ZBTB40: variants seen among roughly 807,000 people sequenced by gnomAD.
The protein encoded by ZBTB40 is zinc finger and BTB domain containing 40.
In ZBTB40, 60 loss-of-function variants were observed where a neutral mutation model predicts 117.5. The ratio of observed to expected loss-of-function variants is 0.51; its 90% CI spans 0.41 to 0.63. The LOEUF (loss-of-function observed/expected upper bound fraction) is 0.63. Ranked by LOEUF, ZBTB40 falls within the 30% of genes least tolerant of loss-of-function variation. ZBTB40 has a pLI of 0.00. For missense variants in ZBTB40, 1,287 were observed against 1,498.5 expected, an observed-to-expected ratio of 0.86 and a Z score of 2.33; for synonymous variants, 525 against 577.1, an observed-to-expected ratio of 0.91 and a Z score of 1.29.
chr1:22,527,456 C>G lies in ZBTB40; in HGVS notation c.*1060C>G, dbSNP rs1639712029. 6.6e-6 allele frequency: 1 copy of G among 152,392 alleles called. No individual in the cohort carries two copies. The highest frequency in any genetic ancestry group is 1.5e-5 in the Non-Finnish European group (1 of 68,040). The allele number at this position is 152,392 out of a possible 1,614,324, so 9.4% of individuals were successfully genotyped here. ...AATTTCACAAAGCTTTTTTTATCTTCAGTTCCTAAAATATAATCTGATAAT... is the reference window on the plus strand; with the variant it reads ...AATTTCACAAAGCTTTTTTTATCTTGAGTTCCTAAAATATAATCTGATAAT... On this transcript the variant is annotated 3_prime_UTR_variant, in exon 18 of 18. Coordinates refer to ENST00000375647, the MANE Select transcript of ZBTB40 (RefSeq NM_014870.4).
At chr1:22,484,547 TTTCTC>T (rs1638414023) in intron 1 of ZBTB40, among the ~76,000 whole-genome samples, 1 of 152,228 alleles carries the variant, frequency 6.6e-6, no homozygotes, top group Admixed American at 6.5e-5. Flanking sequence ...TTTTTTGTCA[TTTCTC>T]TTTAATTTTC....
chr1:22,483,665 T>G (rs1174437565), intron 1 of ZBTB40, among the ~76,000 whole-genome samples: 1 of 152,214 alleles, frequency 6.6e-6, no homozygotes, highest in Non-Finnish European at 1.5e-5. Flanking sequence ...GAGAGTTCTT[T>G]GTGTATTTTG....
chr1:22,511,739 A>C lies in ZBTB40; in HGVS notation c.2066A>C (p.Glu689Ala). 6.2e-7 allele frequency: 1 copy of C among 1,608,470 alleles called. No homozygotes were observed. The highest frequency in any genetic ancestry group is 8.5e-7 in the Non-Finnish European group (1 of 1,178,570). ...AAGGTGAGTAATAAATTTCACCTTGAAGCCAACAACAAAGAAGATGAAAAG... is the reference window on the plus strand; with the variant it reads ...AAGGTGAGTAATAAATTTCACCTTGCAGCCAACAACAAAGAAGATGAAAAG... ...TWKVSNKFHL[E>A]ANNKEDEKAA... Residue 689 changes from glutamate (E) to alanine (A), a missense_variant, in exon 11 of 18, where the codon GAA becomes GCA. By Grantham distance (107) the Glu-to-Ala change is moderately radical. Coordinates refer to ENST00000375647, the MANE Select transcript of ZBTB40 (RefSeq NM_014870.4).
chr1:22,486,100 T>G (rs1442397516), intron 1 of ZBTB40, among the ~76,000 whole-genome samples: 1 of 152,240 alleles, frequency 6.6e-6, no homozygotes, highest in East Asian at 1.9e-4. Flanking sequence ...TTTGTCTGTT[T>G]GTTTGTCTTT....
At chr1:22,456,712 T>C (rs957089272) in intron 1 of ZBTB40, among the ~76,000 whole-genome samples, 1 of 152,220 alleles carries the variant, frequency 6.6e-6, no homozygotes, top group Non-Finnish European at 1.5e-5. Context: ...CTGTCTAAAG[T>C]GGTCAAGCAT....
At chr1:22,467,892 G>A (rs550571224) in intron 1 of ZBTB40, among the ~76,000 whole-genome samples, 8 of 151,046 alleles carry the variant, frequency 5.3e-5, no homozygotes, top group South Asian at 4.2e-4. Context: ...CCAGGAGTTC[G>A]CGAGCAGCCT....
At chr1:22,451,485 GA>G (rs1423803707), upstream of ZBTB40, among the ~76,000 whole-genome samples, 11 of 148,762 alleles carry the variant, frequency 7.4e-5, no homozygotes, top group Admixed American at 2.7e-4. Context: ...AAATAGAAGA[GA>G]AAAAAAAAAT....
chr1:22,446,747 G>T (rs907480996), intron 1 of ZBTB40, among the ~76,000 whole-genome samples: 6 of 152,014 alleles, frequency 3.9e-5, no homozygotes, highest in Admixed American at 3.3e-4. Flanking sequence ...GAGGGAATTT[G>T]TTGCCAGGAG....
At chr1:22,477,859 G>GT (rs1168252238) in intron 1 of ZBTB40, among the ~76,000 whole-genome samples, 1 of 151,948 alleles carries the variant, frequency 6.6e-6, no homozygotes, top group Non-Finnish European at 1.5e-5. Flanking sequence ...ATCTTAATTT[G>GT]TTTTTTGTTT....
At chr1:22,448,662 A>G (rs540831466), upstream of ZBTB40, among the ~76,000 whole-genome samples, 1 of 152,298 alleles carries the variant, frequency 6.6e-6, no homozygotes, top group South Asian at 2.1e-4. Flanking sequence ...AAATGGGGGT[A>G]AAAATGTTAC....
intron 1 of ZBTB40, among the ~76,000 whole-genome samples, chr1:22,472,928 T>C (rs1641446157): frequency 6.6e-6 from 1 of 152,238 alleles, no homozygotes; most frequent in African/African-American, 2.4e-5. Flanking sequence ...CACAGAGCTA[T>C]TTGCCTAAGG....
intron 9 of ZBTB40, among the ~76,000 whole-genome samples, chr1:22,510,106 G>A (rs1639190476): frequency 6.6e-6 from 1 of 152,248 alleles, no homozygotes; most frequent in Non-Finnish European, 1.5e-5. Flanking sequence ...GGAATACCAA[G>A]TGGGGACTGG....
chr1:22,435,890 G>A (rs1487148387), intron 1 of ZBTB40, among the ~76,000 whole-genome samples: 1 of 148,706 alleles, frequency 6.7e-6, no homozygotes, highest in Non-Finnish European at 1.5e-5. Context: ...CCAACATAGT[G>A]AAACCCCATC....
chr1:22,447,367 A>G (rs1231137828), upstream of ZBTB40, among the ~76,000 whole-genome samples: 1 of 152,170 alleles, frequency 6.6e-6, no homozygotes, highest in Non-Finnish European at 1.5e-5. Context: ...ACCTGGACAG[A>G]GTGTATCAGA....
rs1295758532 is a variant in ZBTB40 at position 22,490,593 on chromosome 1, C to T, written c.645C>T (p.Pro215=). 2 of 1,614,082 alleles carry T rather than the reference C, an allele frequency of 1.2e-6. No homozygotes were observed. The highest frequency in any genetic ancestry group is 1.7e-6 in the Non-Finnish European group (2 of 1,180,030). ...ETPTTAEACS[P]SPAVQTFSEA... is the part of the protein sequence containing the mutation. ...CTACTACAGCTGAAGCTTGTTCCCC[C>T]TCCCCTGCTGTGCAAACCTTTAGTG... The change falls in exon 2 of 18, where the codon CCC becomes CCT. Residue 215 remains proline (P), a synonymous_variant. Coordinates refer to ENST00000375647, the MANE Select transcript of ZBTB40 (RefSeq NM_014870.4).
chr1:22,501,526 A>G lies in ZBTB40; in HGVS notation c.866A>G (p.His289Arg), dbSNP rs760854516. The G allele has an allele frequency of 1.9e-6, 3 of 1,614,194 alleles. No individual in the cohort carries two copies. Among genetic ancestry groups the G allele is most frequent in the South Asian group, 2.2e-5 (2 of 91,086 alleles). The change falls in exon 4 of 18, where the codon CAT becomes CGT. Residue 289 changes from histidine (H) to arginine (R), a missense_variant. His to Arg is a conservative substitution (Grantham distance 29, BLOSUM62 0). Around this residue, in one of 2 missense-constraint regions of ZBTB40, gnomAD observed 870 missense variants for 934.4 expected, o/e 0.93. Coordinates refer to ENST00000375647, the MANE Select transcript of ZBTB40 (RefSeq NM_014870.4). ...IVKCFEGEGG[H>R]SAFQRILGKV... Reference sequence around the variant, plus strand: ...AAATGTTTCGAGGGTGAAGGAGGACATTCAGCATTCCAGAGAATCCTGGGT... The same window carrying G: ...AAATGTTTCGAGGGTGAAGGAGGACGTTCAGCATTCCAGAGAATCCTGGGT...
intron 11 of ZBTB40, 142 bp from the exon 12 acceptor site, chr1:22,512,782 C>A (rs1048884315): frequency 1.1e-5 from 10 of 897,082 alleles, no homozygotes; most frequent in African/African-American, 3.3e-5. Flanking sequence ...CAGTGGGTAC[C>A]AGCGTGGCCT....
rs980517294 is a variant in ZBTB40, at chr1:22,524,219, G to T, written c.3300G>T (p.Gly1100=). The stretch of plus-strand genomic sequence containing the variant: ...CCCTTCTGTCTCCCTCTCCTCCAGG[G>T]TCCCAGCCATTCCGGTGCTTGTACT... The part of the protein sequence containing the change: ...LQVHVKCQHS[G]SQPFRCLYCA... Residue 1100 remains glycine (G), a splice_region_variant and synonymous_variant, in exon 17 of 18, where the codon GGG becomes GGT. Coordinates refer to ENST00000375647, the MANE Select transcript of ZBTB40 (RefSeq NM_014870.4). 1.2e-6 allele frequency: 2 copies of T among 1,613,968 alleles called. No individual in the cohort carries two copies. The highest frequency in any genetic ancestry group is 1.7e-6 in the Non-Finnish European group (2 of 1,180,012).
intron 17 of ZBTB40, 35 bp from the exon 18 acceptor site, chr1:22,526,167 C>T: frequency 6.2e-7 from 1 of 1,612,162 alleles, no homozygotes. Context: ...ACTGTGAACA[C>T]TGCCCAGAGC....
Sources: allele counts gnomAD v4.1 joint callset (sites outside exome capture counted in the v4.1 genomes callset), GRCh38; gene constraint gnomAD v4.1.1; regional missense constraint gnomAD v4.1.1; transcripts MANE v1.5; gene names NCBI Gene and HGNC (gene_info 2026-07-23, HGNC 2026-07-21).